Variants in ASH1L observed in about 807,000 individuals in gnomAD.
ASH1L encodes the protein histone-lysine N-methyltransferase ASH1L.
Under a neutral mutation model 269.0 loss-of-function variants are expected in ASH1L, and 23 were observed. That is an observed-to-expected ratio of 0.09 (90% CI 0.06 to 0.12). The LOEUF (loss-of-function observed/expected upper bound fraction) is 0.12. Ranked by LOEUF, ASH1L falls within the 10% of genes least tolerant of loss-of-function variation. The probability of loss-of-function intolerance (pLI) is 1.00; values close to 1 mark genes in which losing one functional copy is unlikely to be tolerated. For missense variants in ASH1L, 2,912 were observed against 3,567.8 expected, an observed-to-expected ratio of 0.82 and a Z score of 4.68; for synonymous variants, 1,187 against 1,253.5, an observed-to-expected ratio of 0.95 and a Z score of 1.12.
In ASH1L at chr1:155,492,708, T is replaced by G. The variant is rs928653175; in HGVS notation, c.421-10259A>C. Among the ~76,000 whole-genome samples, 12 of 152,264 alleles carry G rather than the reference T, an allele frequency of 7.9e-5. No individual in the cohort carries two copies. In the East Asian group the frequency reaches 9.6e-4, roughly 12 times the overall value. On this transcript the variant is annotated intron_variant, in intron 2 of 27. Transcript: ENST00000392403. ...GCCACTAATATATGGATATTATAACTTCATAATAACGTTTGAATATTTGAA... is the reference window on the plus strand; with the variant it reads ...GCCACTAATATATGGATATTATAACGTCATAATAACGTTTGAATATTTGAA...
In ASH1L at chr1:155,366,449, C is replaced by A. The variant is rs533480914; in HGVS notation, c.6686+4055G>T. The stretch of plus-strand genomic sequence containing the variant: ...CGGGGCTGCTCTGTTTATGGAATAG[C>A]CTTTCTTTTCTTTTATTCCTTTACT... On this transcript the variant is annotated intron_variant, in intron 12 of 27. Transcript: ENST00000392403. Among the ~76,000 whole-genome samples, 153 of 152,174 alleles carry A rather than the reference C, an allele frequency of 1.0e-3. 3 individuals carry two copies. In the South Asian group the frequency reaches 0.011, roughly 11 times the overall value.
chr1:155,417,626 T>A (rs1275571657), intron 5 of ASH1L, among the ~76,000 whole-genome samples: 2 of 152,146 alleles, frequency 1.3e-5, no homozygotes, highest in Non-Finnish European at 2.9e-5. Context: ...AGGGTAATGT[T>A]ATCCACTGTT....
At chr1:155,447,352 ATTAAT>A (rs745762141) in intron 4 of ASH1L, among the ~76,000 whole-genome samples, 78 of 152,258 alleles carry the variant, frequency 5.1e-4, no homozygotes, top group Admixed American at 1.9e-3. Context: ...CTTAAAAAAT[ATTAAT>A]TTATTAATTG....
rs757325848 is a variant in ASH1L at position 155,562,212 on chromosome 1, G to A, written c.-159C>T. ...GAGAGTGCAGGGAAGTGGGGAAGAG[G>A]GGGTGGCCGCCAGGCTCCTCCGCTT... On this transcript the variant is annotated 5_prime_UTR_variant, in exon 1 of 28. Coordinates refer to ENST00000392403, the MANE Select transcript of ASH1L (RefSeq NM_018489.3). The A allele has an allele frequency of 1.9e-6, 3 of 1,609,472 alleles. No homozygotes were observed. Among genetic ancestry groups the A allele is most frequent in the Admixed American group, 1.7e-5 (1 of 59,896 alleles).
intron 5 of ASH1L, among the ~76,000 whole-genome samples, chr1:155,417,358 G>C (rs1328655268): frequency 6.6e-6 from 1 of 152,078 alleles, no homozygotes; most frequent in East Asian, 1.9e-4. Context: ...TGGAATTTGT[G>C]GAAATGAGTA....
intron 1 of ASH1L, among the ~76,000 whole-genome samples, chr1:155,522,815 T>C (rs907378508): frequency 2.6e-5 from 4 of 151,642 alleles, no homozygotes; most frequent in Non-Finnish European, 5.9e-5. Flanking sequence ...GCTTCCCGAG[T>C]AGCTGGCATT....
Position 155,521,740 on chromosome 1 carries a change from C to T in ASH1L, c.-99-122G>A, listed in dbSNP as rs533239894. The stretch of plus-strand genomic sequence containing the variant: ...ACCCAAAAAAAAATCACAGTTAGAT[C>T]GAAATGTTAATTCAAAATAGATGTA... On this transcript the variant is annotated intron_variant, in intron 1 of 27. Coordinates refer to ENST00000392403, the MANE Select transcript of ASH1L (RefSeq NM_018489.3). The T allele has an allele frequency of 9.0e-6, 4 of 446,476 alleles. No homozygotes were observed. The South Asian group carries it at 2.1e-4, about 23-fold the overall frequency. The allele number at this position is 446,476 out of a possible 1,614,324, so 27.7% of individuals were successfully genotyped here.
chr1:155,534,548 G>C (rs537669425), intron 1 of ASH1L, among the ~76,000 whole-genome samples: 3 of 151,958 alleles, frequency 2.0e-5, no homozygotes, highest in African/African-American at 7.2e-5. Context: ...AGATACAATA[G>C]TACAAAATAT....
chr1:155,532,942 TG>T (rs1480995976), intron 1 of ASH1L, among the ~76,000 whole-genome samples: 1 of 128,868 alleles, frequency 7.8e-6, no homozygotes, highest in South Asian at 2.5e-4. Context: ...TATATATGTG[TG>T]TGTGTGTATA....
chr1:155,506,037 G>A (rs1378761761), intron 2 of ASH1L, among the ~76,000 whole-genome samples: 2 of 150,812 alleles, frequency 1.3e-5, no homozygotes, highest in Non-Finnish European at 2.9e-5. Context: ...CCCACCCTGT[G>A]GCCAAGTGTT....
chr1:155,345,828 CTTT>C (rs547656258), intron 21 of ASH1L: 14 of 144,110 alleles, frequency 9.7e-5, no homozygotes, highest in South Asian at 6.1e-4. Flanking sequence ...TGCACCCGGC[CTTT>C]TTTTTTTTTT....
At position 155,369,270 on chromosome 1, in the gene ASH1L, C is replaced by T. The variant is rs566662744; in HGVS notation, c.6686+1234G>A. On this transcript the variant is annotated intron_variant, in intron 12 of 27. Coordinates refer to ENST00000392403, the MANE Select transcript of ASH1L (RefSeq NM_018489.3). ...CATCCTGGCTAACACAGTGAAACCC[C>T]GTCTCTACTAAAAATACAAAAAAGA... 3.9e-5 allele frequency among the ~76,000 whole-genome samples: 6 copies of T among 152,142 alleles called. No homozygotes were observed. The South Asian group carries it at 8.3e-4, about 21-fold the overall frequency.
At chr1:155,490,936 C>T (rs1031401980) in intron 2 of ASH1L, among the ~76,000 whole-genome samples, 1 of 111,924 alleles carries the variant, frequency 8.9e-6, no homozygotes, top group African/African-American at 3.5e-5. Flanking sequence ...CCACTGCACT[C>T]TAACCTGGGA....
chr1:155,482,379 C>G lies in ASH1L; in HGVS notation c.491G>C (p.Arg164Pro), dbSNP rs149664653. The G allele has an allele frequency of 6.2e-7, 1 of 1,613,934 alleles. No individual in the cohort carries two copies. The highest frequency in any genetic ancestry group is 8.5e-7 in the Non-Finnish European group (1 of 1,179,954). The stretch of plus-strand genomic sequence containing the variant: ...ATTGTTTTCTCCCTGTGAATGAAGA[C>G]GGATGACTTCTTCAGACTGGCATTC... ...AIECQSEEVI[R>P]LHSQGENNPL... Residue 164 changes from arginine (R) to proline (P), a missense_variant, in exon 3 of 28, where the codon CGT becomes CCT. By Grantham distance (103) the Arg-to-Pro change is moderately radical. Around this residue, in one of 13 missense-constraint regions of ASH1L, gnomAD observed 277 missense variants for 367.7 expected, o/e 0.75. Transcript: ENST00000392403.
chr1:155,388,803 T>A (rs1259200467), intron 7 of ASH1L, among the ~76,000 whole-genome samples: 1 of 148,760 alleles, frequency 6.7e-6, no homozygotes, highest in Admixed American at 6.8e-5. Flanking sequence ...CACTGCAGCC[T>A]CGATCTCCTG....
At chr1:155,456,391 G>A (rs949525086) in intron 4 of ASH1L, among the ~76,000 whole-genome samples, 1 of 152,060 alleles carries the variant, frequency 6.6e-6, no homozygotes, top group Non-Finnish European at 1.5e-5. Context: ...GACACTTTCT[G>A]ATCGAACTCT....
rs143497925 is a variant in ASH1L at position 155,431,608 on chromosome 1, A to G, written c.5828+6719T>C. On this transcript the variant is annotated intron_variant, in intron 5 of 27. Transcript: ENST00000392403. Reference sequence around the variant, plus strand: ...AGACCCCATCTCTACAAAAAACACAAAAATTAGCCAGGCCTGGTGGCCCCC... The same window carrying G: ...AGACCCCATCTCTACAAAAAACACAGAAATTAGCCAGGCCTGGTGGCCCCC... Among the ~76,000 whole-genome samples the G allele has an allele frequency of 1.5e-3, 228 of 152,150 alleles. 2 individuals are homozygous for G. In the East Asian group the frequency reaches 0.039, roughly 26 times the overall value.
At position 155,345,113 on chromosome 1, in the gene ASH1L, C is replaced by G. The variant is rs533592780; in HGVS notation, c.7891-840G>C. Among the ~76,000 whole-genome samples, 291 of 151,384 alleles carry G rather than the reference C, an allele frequency of 1.9e-3. 2 individuals carry two copies. Among genetic ancestry groups the G allele is most frequent in the African/African-American group, 6.8e-3 (280 of 41,246 alleles). ...CTGGGACTACAGGCACGCAACACCA[C>G]GCCCAGCTAATTTTTGTATTTTTAG... On this transcript the variant is annotated intron_variant, in intron 21 of 27. Coordinates refer to ENST00000392403, the MANE Select transcript of ASH1L (RefSeq NM_018489.3).
intron 5 of ASH1L, among the ~76,000 whole-genome samples, chr1:155,427,254 C>T (rs2148582979): frequency 6.6e-6 from 1 of 151,810 alleles, no homozygotes; most frequent in South Asian, 2.1e-4. Flanking sequence ...GCTGCCTCAG[C>T]CTCATGAGTA....
Sources: allele counts gnomAD v4.1 joint callset (sites outside exome capture counted in the v4.1 genomes callset), GRCh38; gene constraint gnomAD v4.1.1; regional missense constraint gnomAD v4.1.1; transcripts MANE v1.5; gene names NCBI Gene and HGNC (gene_info 2026-07-23, HGNC 2026-07-21).